The following PPM1E variants were observed in gnomAD, a reference collection of about 807,000 sequenced individuals.
The protein encoded by PPM1E is protein phosphatase, Mg2+/Mn2+ dependent 1E, also known as protein phosphatase 1E.
Under a neutral mutation model 65.9 loss-of-function variants are expected in PPM1E, and 20 were observed. The observed-to-expected ratio is 0.30, with a 90% CI of 0.21 to 0.44. The LOEUF is 0.44. Ranked by LOEUF, PPM1E falls within the 20% of genes least tolerant of loss-of-function variation. PPM1E has a pLI of 1.00. For synonymous variants in PPM1E, 352 were observed against 374.9 expected, an observed-to-expected ratio of 0.94 and a Z score of 0.70; for missense variants, 713 against 953.1, an observed-to-expected ratio of 0.75 and a Z score of 3.32.
At chr17:58,853,818 G>A (rs969975765) in intron 1 of PPM1E, among the ~76,000 whole-genome samples, 3 of 152,004 alleles carry the variant, frequency 2.0e-5, no homozygotes, top group African/African-American at 7.2e-5. Flanking sequence ...ACGACAGAGT[G>A]AGACTCTGTC....
intron 4 of PPM1E, among the ~76,000 whole-genome samples, chr17:58,970,324 G>T (rs2030517810): frequency 6.6e-6 from 1 of 151,964 alleles, no homozygotes; most frequent in African/African-American, 2.4e-5. Flanking sequence ...AAATGGCAAG[G>T]GCTCTATATT....
At chr17:58,773,602 T>C (rs2049962348) in intron 1 of PPM1E, among the ~76,000 whole-genome samples, 2 of 152,242 alleles carry the variant, frequency 1.3e-5, no homozygotes, top group South Asian at 2.1e-4. Flanking sequence ...TTTTATTAAA[T>C]TGTACCTTCC....
intron 1 of PPM1E, among the ~76,000 whole-genome samples, chr17:58,846,857 C>A (rs1362174616): frequency 6.6e-6 from 1 of 152,172 alleles, no homozygotes; most frequent in Non-Finnish European, 1.5e-5. Flanking sequence ...ATGTCTTCCA[C>A]AATGGTTGAA....
intron 6 of PPM1E, among the ~76,000 whole-genome samples, chr17:58,977,271 T>C (rs2031061156): frequency 6.6e-6 from 1 of 151,948 alleles, no homozygotes; most frequent in Non-Finnish European, 1.5e-5. Flanking sequence ...GGTGAAACCC[T>C]GTCTCTACTA....
intron 1 of PPM1E, among the ~76,000 whole-genome samples, chr17:58,943,212 C>A (rs572144702): frequency 6.6e-6 from 1 of 151,762 alleles, no homozygotes; most frequent in Non-Finnish European, 1.5e-5. Context: ...ATAAAAATTC[C>A]AAATCTCCAT....
intron 1 of PPM1E, among the ~76,000 whole-genome samples, chr17:58,804,997 A>C (rs958644160): frequency 1.1e-4 from 17 of 152,146 alleles, no homozygotes; most frequent in African/African-American, 3.4e-4. Context: ...CCCATTGACC[A>C]ATCTCTCTTC....
intron 1 of PPM1E, among the ~76,000 whole-genome samples, chr17:58,784,676 C>T (rs943219214): frequency 3.9e-5 from 6 of 152,042 alleles, no homozygotes; most frequent in African/African-American, 1.4e-4. Context: ...AGGCCCGTGC[C>T]ACCACACCCA....
intron 1 of PPM1E, among the ~76,000 whole-genome samples, chr17:58,847,650 A>G (rs1763274564): frequency 6.6e-6 from 1 of 152,188 alleles, no homozygotes; most frequent in Admixed American, 6.5e-5. Flanking sequence ...TGGTACCAGT[A>G]CCATGCTGTT....
At chr17:58,972,730 T>A (rs927266070) in intron 5 of PPM1E, 102 bp from the exon 6 acceptor site, 18 of 1,053,872 alleles carry the variant, frequency 1.7e-5, no homozygotes, top group Non-Finnish European at 2.9e-6. Flanking sequence ...AAAGAGAACC[T>A]TTTCATGAGC....
At chr17:58,927,158 G>A (rs1487805428) in intron 1 of PPM1E, among the ~76,000 whole-genome samples, 2 of 125,730 alleles carry the variant, frequency 1.6e-5, no homozygotes, top group African/African-American at 6.2e-5. Flanking sequence ...GCAGAATCTC[G>A]CTCTGTCGCC....
At chr17:58,892,252 G>T (rs1371398187) in intron 1 of PPM1E, among the ~76,000 whole-genome samples, 1 of 152,142 alleles carries the variant, frequency 6.6e-6, no homozygotes, top group Non-Finnish European at 1.5e-5. Context: ...TAAAAATTAG[G>T]ATACATGCTT....
In PPM1E at chr17:58,982,236, AGTTAT is replaced by A. The variant is rs1428300557; in HGVS notation, c.*1206_*1210del. The A allele has an allele frequency of 6.6e-6, 1 of 152,610 alleles. No individual in the cohort carries two copies. The highest frequency in any genetic ancestry group is 1.5e-5 in the Non-Finnish European group (1 of 68,054). 9.5% of individuals were successfully genotyped at this position (152,610 alleles called of 1,614,324 possible). ...ACGTGTGCTTTTCATTTCAATATTTAGTTATATTTGATATTTTGAAACTGTCTGCT... is the reference window on the plus strand; with the variant it reads ...ACGTGTGCTTTTCATTTCAATATTTAATTTGATATTTTGAAACTGTCTGCT... On this transcript the variant is annotated 3_prime_UTR_variant, in exon 7 of 7. Transcript: ENST00000308249.
intron 1 of PPM1E, among the ~76,000 whole-genome samples, chr17:58,824,418 C>T (rs2050511119): frequency 6.6e-6 from 1 of 151,978 alleles, no homozygotes; most frequent in East Asian, 1.9e-4. Context: ...ATTTTGTGTA[C>T]TCAAAAGCTT....
intron 1 of PPM1E, among the ~76,000 whole-genome samples, chr17:58,887,312 G>C (rs911323463): frequency 6.6e-6 from 1 of 151,846 alleles, no homozygotes; most frequent in Non-Finnish European, 1.5e-5. Context: ...TTACAGGCAT[G>C]CGCCACCATG....
At chr17:58,928,369 A>G (rs1043836791) in intron 1 of PPM1E, among the ~76,000 whole-genome samples, 1 of 151,892 alleles carries the variant, frequency 6.6e-6, no homozygotes, top group South Asian at 2.1e-4. Context: ...AAATTATTAT[A>G]TCTATTATAT....
At chr17:58,933,751 G>A (rs1173617879) in intron 1 of PPM1E, among the ~76,000 whole-genome samples, 1 of 149,206 alleles carries the variant, frequency 6.7e-6, no homozygotes, top group Non-Finnish European at 1.5e-5. Flanking sequence ...AGCCGAGATC[G>A]CACCATTGCA....
chr17:58,779,393 G>A (rs536321074), intron 1 of PPM1E, among the ~76,000 whole-genome samples: 16 of 151,898 alleles, frequency 1.1e-4, no homozygotes, highest in African/African-American at 3.4e-4. Flanking sequence ...GTCTGGTCTC[G>A]AACTTCCGAC....
chr17:58,769,787 G>T (rs1425721181), intron 1 of PPM1E, among the ~76,000 whole-genome samples: 1 of 152,120 alleles, frequency 6.6e-6, no homozygotes, highest in Non-Finnish European at 1.5e-5. Context: ...AGCACTTCGG[G>T]AGGCTGAGGC....
At chr17:58,809,351 A>T (rs2050699555) in intron 1 of PPM1E, among the ~76,000 whole-genome samples, 2 of 152,062 alleles carry the variant, frequency 1.3e-5, no homozygotes, top group African/African-American at 4.8e-5. Flanking sequence ...AGCCTCCCAA[A>T]GTGTTGGGAT....
Sources: gnomAD v4.1 joint callset for allele counts (sites outside exome capture counted in the v4.1 genomes callset) on GRCh38, gnomAD v4.1.1 for gene constraint, MANE v1.5 for transcripts, NCBI Gene and HGNC (gene_info 2026-07-23, HGNC 2026-07-21) for gene names.